The following SMAD6 variants were observed in gnomAD, a reference collection of about 807,000 sequenced individuals.
SMAD6 encodes the protein MAD homolog 6.
In SMAD6, 103 loss-of-function variants were observed where a neutral mutation model predicts 39.4. The ratio of observed to expected loss-of-function variants is 2.62; its 90% CI spans 2.23 to 3.08. The LOEUF is 3.08. SMAD6 is among the 30% of genes most tolerant of loss of function. SMAD6 has a pLI of 0.00. For missense variants in SMAD6, 1,104 were observed against 742.9 expected (o/e 1.49, Z -5.65); for synonymous variants, 445 against 353.3 (o/e 1.26, Z -2.91).
In SMAD6 at chr15:66,702,747, G is replaced by C. The variant is rs1412229457; in HGVS notation, c.-512G>C. On this transcript the variant is annotated 5_prime_UTR_variant, in exon 1 of 4. Transcript: ENST00000288840. Reference sequence around the variant, plus strand: ...TTTTGCAGGGAGTAAGAAGGGAGCTGGGGGTATCAACAAGCCTGCCTTTCG... The same window carrying C: ...TTTTGCAGGGAGTAAGAAGGGAGCTCGGGGTATCAACAAGCCTGCCTTTCG... The C allele has an allele frequency of 6.5e-6, 1 of 152,790 alleles. No individual in the cohort carries two copies. Among genetic ancestry groups the C allele is most frequent in the Admixed American group, 6.5e-5 (1 of 15,300 alleles). The allele number at this position is 152,790 out of a possible 1,614,324, so 9.5% of individuals were successfully genotyped here. A position where few individuals can be genotyped will look rare whatever the true frequency, so the allele number is the denominator to read the frequency against.
chr15:66,754,090 G>C (rs1040789360), intron 3 of SMAD6, among the ~76,000 whole-genome samples: 2 of 152,208 alleles, frequency 1.3e-5, no homozygotes, highest in Non-Finnish European at 2.9e-5. Flanking sequence ...TGGGTGCTAT[G>C]GCTGCCTGGT....
Position 66,703,791 on chromosome 15 carries a change from C to T in SMAD6, c.533C>T (p.Ser178Leu), listed in dbSNP as rs776347265. The change falls in exon 1 of 4, where the codon TCG (serine) becomes TTG (leucine). Residue 178 changes from serine (S) to leucine (L), a missense_variant. Transcript: ENST00000288840. ...LEQELKTVTY[S>L]LLKRLKERSL... ...CAGGAACTCAAAACCGTCACGTACTCGCTGCTGAAGCGGCTCAAGGAGCGC... is the reference window on the plus strand; with the variant it reads ...CAGGAACTCAAAACCGTCACGTACTTGCTGCTGAAGCGGCTCAAGGAGCGC... The T allele has an allele frequency of 4.9e-6, 7 of 1,441,244 alleles. No homozygotes were observed. Among genetic ancestry groups the T allele is most frequent in the African/African-American group, 1.5e-5 (1 of 67,884 alleles). The allele number at this position is 1,441,244 out of a possible 1,614,324, so 89.3% of individuals were successfully genotyped here.
At chr15:66,723,796 C>T (rs997770023) in intron 3 of SMAD6, among the ~76,000 whole-genome samples, 3 of 152,212 alleles carry the variant, frequency 2.0e-5, no homozygotes, top group African/African-American at 7.2e-5. Flanking sequence ...GGACCTTCCC[C>T]TCTAGGAGCT....
In SMAD6 at chr15:66,703,683, G is replaced by T. The variant is rs1272543955; in HGVS notation, c.425G>T (p.Ser142Ile). Residue 142 changes from serine (S) to isoleucine (I), a missense_variant, in exon 1 of 4, where the codon AGC becomes ATC. Physicochemically the swap from Ser to Ile is moderately radical, Grantham distance 142. Transcript: ENST00000288840. ...GCCGCCGGCGCGCCCCGGGACGCCA[G>T]CGACCCCCTGGCCGGGGCGGCCCTG... The part of the protein sequence containing the change: ...RDAAGAPRDA[S>I]DPLAGAALEP... 3 of 1,237,164 alleles carry T rather than the reference G, an allele frequency of 2.4e-6. No individual in the cohort carries two copies. Among genetic ancestry groups the T allele is most frequent in the Non-Finnish European group, 2.0e-6 (2 of 989,496 alleles). 76.6% of individuals were successfully genotyped at this position (1,237,164 alleles called of 1,614,324 possible). A position where few individuals can be genotyped will look rare whatever the true frequency, so the allele number is the denominator to read the frequency against.
chr15:66,709,554 G>A (rs1478956453), intron 1 of SMAD6, among the ~76,000 whole-genome samples: 1 of 152,144 alleles, frequency 6.6e-6, no homozygotes, highest in Non-Finnish European at 1.5e-5. Context: ...ATTCACCTTT[G>A]GGGACAAATC....
intron 3 of SMAD6, among the ~76,000 whole-genome samples, chr15:66,752,828 T>A (rs999677105): frequency 1.3e-5 from 2 of 151,920 alleles, no homozygotes; most frequent in Non-Finnish European, 2.9e-5. Context: ...ACAGAAAGCT[T>A]TTATAAAAAT....
intron 3 of SMAD6, among the ~76,000 whole-genome samples, chr15:66,758,766 G>A (rs367903387): frequency 6.6e-6 from 1 of 151,718 alleles, no homozygotes; most frequent in Non-Finnish European, 1.5e-5. Context: ...CTCAGATTTT[G>A]TCTTTATGCA....
intron 3 of SMAD6, among the ~76,000 whole-genome samples, chr15:66,766,686 G>A (rs1306573831): frequency 1.3e-5 from 2 of 152,168 alleles, no homozygotes; most frequent in African/African-American, 2.4e-5. Context: ...CAAGGCTTCT[G>A]TGTGATTCAG....
At chr15:66,772,331 T>A (rs1595799510) in intron 3 of SMAD6, among the ~76,000 whole-genome samples, 1 of 152,344 alleles carries the variant, frequency 6.6e-6, no homozygotes, top group African/African-American at 2.4e-5. Context: ...TAACATATGT[T>A]CAGGTAGTGC....
At chr15:66,780,528 G>T (rs909188784) in intron 3 of SMAD6, among the ~76,000 whole-genome samples, 1 of 152,200 alleles carries the variant, frequency 6.6e-6, no homozygotes, top group African/African-American at 2.4e-5. Flanking sequence ...AGAAGGTGGC[G>T]TCCTTGCAGA....
chr15:66,751,458 G>A (rs1894004764), intron 3 of SMAD6, among the ~76,000 whole-genome samples: 1 of 152,170 alleles, frequency 6.6e-6, no homozygotes, highest in African/African-American at 2.4e-5. Flanking sequence ...CCCTCCCATG[G>A]ACCTCCCATC....
At chr15:66,714,912 C>G (rs1355055542) in intron 2 of SMAD6, among the ~76,000 whole-genome samples, 3 of 152,012 alleles carry the variant, frequency 2.0e-5, no homozygotes, top group Non-Finnish European at 4.4e-5. Flanking sequence ...TAGGACTCGG[C>G]TTGTGATGTT....
chr15:66,781,940 A>T lies in SMAD6; in HGVS notation c.*405A>T, dbSNP rs1894586524. The T allele has an allele frequency of 2.5e-6, 1 of 398,890 alleles. No homozygotes were observed. The highest frequency in any genetic ancestry group is 4.4e-5 in the Admixed American group (1 of 22,712). 24.7% of individuals were successfully genotyped at this position (398,890 alleles called of 1,614,324 possible). On this transcript the variant is annotated 3_prime_UTR_variant, in exon 4 of 4. Coordinates refer to ENST00000288840, the MANE Select transcript of SMAD6 (RefSeq NM_005585.5). ...TATGGTTTTTGAGATATTAATGCCC[A>T]GACAAAAAGCTAATACCAGTCACTC...
At chr15:66,770,744 C>T (rs1197469222) in intron 3 of SMAD6, among the ~76,000 whole-genome samples, 1 of 152,200 alleles carries the variant, frequency 6.6e-6, no homozygotes, top group African/African-American at 2.4e-5. Flanking sequence ...TTCCACCCTC[C>T]TTCCCTCTAG....
In SMAD6 at chr15:66,760,431, A is replaced by G. The variant is rs1027013605; in HGVS notation, c.953-20566A>G. Among the ~76,000 whole-genome samples, 4 of 152,350 alleles carry G rather than the reference A, an allele frequency of 2.6e-5. 1 individual carries two copies. The highest frequency in any genetic ancestry group is 6.5e-5 in the Admixed American group (1 of 15,308). The stretch of plus-strand genomic sequence containing the variant: ...TGTACCGCCGGTGACTTTGAAAATT[A>G]AGAACATCTATGTTGTAGGGTTGTT... On this transcript the variant is annotated intron_variant, in intron 3 of 3. Transcript: ENST00000288840.
At chr15:66,774,558 A>G (rs1764803643) in intron 3 of SMAD6, among the ~76,000 whole-genome samples, 2 of 152,118 alleles carry the variant, frequency 1.3e-5, no homozygotes, top group African/African-American at 4.8e-5. Flanking sequence ...CCGGGAGGGA[A>G]CAGGGCTTGT....
chr15:66,751,340 T>C (rs1184532605), intron 3 of SMAD6, among the ~76,000 whole-genome samples: 1 of 152,164 alleles, frequency 6.6e-6, no homozygotes, highest in Non-Finnish European at 1.5e-5. Flanking sequence ...CGCCCACCAA[T>C]TGTGAGCCTT....
chr15:66,769,930 C>A (rs1313949965), intron 3 of SMAD6, among the ~76,000 whole-genome samples: 1 of 152,242 alleles, frequency 6.6e-6, no homozygotes, highest in South Asian at 2.1e-4. Flanking sequence ...CGGGTTCAAG[C>A]GGTTCTCCTG....
chr15:66,772,278 C>T (rs576038910), intron 3 of SMAD6, among the ~76,000 whole-genome samples: 6 of 152,306 alleles, frequency 3.9e-5, no homozygotes, highest in East Asian at 3.9e-4. Context: ...GGTATGTTTC[C>T]GGACTTTCAG....
Sources: allele counts gnomAD v4.1 joint callset (sites outside exome capture counted in the v4.1 genomes callset), GRCh38; gene constraint gnomAD v4.1.1; transcripts MANE v1.5; gene names NCBI Gene and HGNC (gene_info 2026-07-23, HGNC 2026-07-21).